The following PDSS2 variants were observed in gnomAD, a reference collection of about 807,000 sequenced individuals.
PDSS2 encodes the protein all trans-polyprenyl-diphosphate synthase PDSS2.
A neutral mutation model predicts 44.5 loss-of-function variants in PDSS2; 31 were observed. The ratio of observed to expected loss-of-function variants is 0.70; its 90% CI spans 0.52 to 0.94. The LOEUF (loss-of-function observed/expected upper bound fraction) is 0.94, where lower values mean the gene tolerates loss of function less well. Among genes scored for constraint, PDSS2 ranks in the 40% least tolerant of loss-of-function variants. The pLI is 0.00. For missense variants in PDSS2, 452 were observed against 482.2 expected, an observed-to-expected ratio of 0.94 and a Z score of 0.59; for synonymous variants, 157 against 180.3, an observed-to-expected ratio of 0.87 and a Z score of 1.03.
At chr6:107,313,097 C>T (rs1777093589) in intron 2 of PDSS2, among the ~76,000 whole-genome samples, 1 of 152,128 alleles carries the variant, frequency 6.6e-6, no homozygotes, top group African/African-American at 2.4e-5. Flanking sequence ...AATCTAGGAG[C>T]TGCCTAATTT....
chr6:107,355,395 T>G (rs1778566250), intron 1 of PDSS2, among the ~76,000 whole-genome samples: 2 of 152,208 alleles, frequency 1.3e-5, no homozygotes. Context: ...TTGAAACATT[T>G]TAAAACTGGC....
chr6:107,438,584 G>C (rs1454740316), intron 1 of PDSS2, among the ~76,000 whole-genome samples: 1 of 152,228 alleles, frequency 6.6e-6, no homozygotes, highest in South Asian at 2.1e-4. Context: ...AGCCACTACA[G>C]TAGAGAGTCA....
intron 1 of PDSS2, among the ~76,000 whole-genome samples, chr6:107,335,082 TG>T (rs951820419): frequency 4.3e-5 from 6 of 138,020 alleles, no homozygotes; most frequent in Non-Finnish European, 7.6e-5. Flanking sequence ...AGCCCAGGGT[TG>T]GGGGGGTGCT....
At chr6:107,399,252 C>T (rs1780037034) in intron 1 of PDSS2, among the ~76,000 whole-genome samples, 1 of 152,182 alleles carries the variant, frequency 6.6e-6, no homozygotes, top group Non-Finnish European at 1.5e-5. Flanking sequence ...AACAAGGTAC[C>T]TACCCTTGGT....
intron 7 of PDSS2, among the ~76,000 whole-genome samples, chr6:107,184,595 A>G (rs1185891853): frequency 1.3e-5 from 2 of 152,200 alleles, no homozygotes; most frequent in African/African-American, 4.8e-5. Flanking sequence ...GCTCTATGCA[A>G]ATGCATTTTA....
intron 7 of PDSS2, among the ~76,000 whole-genome samples, chr6:107,163,818 G>T (rs982602794): frequency 6.6e-6 from 1 of 152,138 alleles, no homozygotes; most frequent in Admixed American, 6.5e-5. Context: ...GGCCAGGCTG[G>T]TCTTGAACTC....
In PDSS2 at chr6:107,403,681, T is replaced by C. The variant is rs925956391; in HGVS notation, c.296+55309A>G. On this transcript the variant is annotated intron_variant, in intron 1 of 7. Transcript: ENST00000369037. ...ATGGAAGCTGCCAAGACTTGCGGCC[T>C]GCACCCTCTGAAGCCACAGCCTGAG... is the stretch of plus-strand genomic sequence containing the variant. 3.3e-5 allele frequency among the ~76,000 whole-genome samples: 5 copies of C among 152,226 alleles called. No individual in the cohort carries two copies. In the South Asian group the frequency reaches 8.3e-4, roughly 25 times the overall value.
At chr6:107,235,321 G>A (rs1774188938) in intron 4 of PDSS2, among the ~76,000 whole-genome samples, 1 of 152,126 alleles carries the variant, frequency 6.6e-6, no homozygotes, top group Non-Finnish European at 1.5e-5. Context: ...CTAAAGTCCA[G>A]GGAAAGAATC....
At chr6:107,312,812 G>A (rs1415296042) in intron 2 of PDSS2, among the ~76,000 whole-genome samples, 1 of 152,086 alleles carries the variant, frequency 6.6e-6, no homozygotes, top group Non-Finnish European at 1.5e-5. Flanking sequence ...ACCTACTAGG[G>A]GCCAAAAGTA....
At chr6:107,260,649 TC>T (rs1775182096) in intron 3 of PDSS2, among the ~76,000 whole-genome samples, 1 of 146,610 alleles carries the variant, frequency 6.8e-6, no homozygotes, top group African/African-American at 2.5e-5. Context: ...AAATCAGTCT[TC>T]CCCCTTCATT....
At chr6:107,177,321 G>A (rs1771829519) in intron 7 of PDSS2, among the ~76,000 whole-genome samples, 1 of 151,974 alleles carries the variant, frequency 6.6e-6, no homozygotes, top group Non-Finnish European at 1.5e-5. Context: ...AGTAGAGACG[G>A]GGTTTTGCCA....
chr6:107,166,330 A>G lies in PDSS2; in HGVS notation c.1042-11553T>C, dbSNP rs183610748. ...CATAAATAGCTCTTATTATTTTGAGATATGTCCCATCAATACCTAATTTAT... is the reference window on the plus strand; with the variant it reads ...CATAAATAGCTCTTATTATTTTGAGGTATGTCCCATCAATACCTAATTTAT... On this transcript the variant is annotated intron_variant, in intron 7 of 7. Transcript: ENST00000369037. Among the ~76,000 whole-genome samples, 202 of 148,236 alleles carry G rather than the reference A, an allele frequency of 1.4e-3. 1 individual carries two copies. The highest frequency in any genetic ancestry group is 2.3e-3 in the Non-Finnish European group (156 of 67,230).
At chr6:107,264,217 A>G (rs1775337790) in intron 3 of PDSS2, 28 of 1,175,190 alleles carry the variant, frequency 2.4e-5, no homozygotes, top group Non-Finnish European at 3.1e-5. Flanking sequence ...AACTATATAG[A>G]TGGTGTAAAG....
At chr6:107,237,930 T>C (rs1036081458) in intron 4 of PDSS2, among the ~76,000 whole-genome samples, 1 of 142,752 alleles carries the variant, frequency 7.0e-6, no homozygotes, top group Non-Finnish European at 1.5e-5. Flanking sequence ...AGAAAATAAA[T>C]GGACAGAAGG....
intron 1 of PDSS2, among the ~76,000 whole-genome samples, chr6:107,356,651 T>C (rs1778605109): frequency 6.6e-6 from 1 of 152,202 alleles, no homozygotes; most frequent in African/African-American, 2.4e-5. Flanking sequence ...TATATGGTTT[T>C]CTCCTTTCAA....
intron 1 of PDSS2, among the ~76,000 whole-genome samples, chr6:107,442,795 C>A (rs917382354): frequency 7.9e-5 from 12 of 152,338 alleles, no homozygotes; most frequent in Middle Eastern, 3.4e-3. Context: ...AACCTCACTT[C>A]ACAAATGTAG....
intron 7 of PDSS2, among the ~76,000 whole-genome samples, chr6:107,168,932 G>C (rs782262938): frequency 3.9e-5 from 6 of 152,140 alleles, no homozygotes; most frequent in Admixed American, 6.5e-5. Context: ...TTTCAACTTT[G>C]GTGAATCTGA....
chr6:107,241,876 C>CA (rs1195216993), intron 4 of PDSS2, among the ~76,000 whole-genome samples: 6 of 152,072 alleles, frequency 3.9e-5, no homozygotes, highest in Admixed American at 2.0e-4. Context: ...TTTTAAATCA[C>CA]AAAAAAATTC....
Position 107,459,184 on chromosome 6 carries a change from C to G in PDSS2, c.102G>C (p.Ser34=), listed in dbSNP as rs1782162275. 9.9e-6 allele frequency: 16 copies of G among 1,613,956 alleles called. No homozygotes were observed. The highest frequency in any genetic ancestry group is 1.4e-5 in the Non-Finnish European group (16 of 1,180,002). Residue 34 remains serine (S), a synonymous_variant, in exon 1 of 8, where the codon TCG becomes TCC. Coordinates refer to ENST00000369037, the MANE Select transcript of PDSS2 (RefSeq NM_020381.4). This position sits in a 1 kb window ranked among gnomAD's most constrained non-coding sequence, Gnocchi z 4.3. ...WWSPSLDTIS[S]VGSWRGRSSK... ...AGGACCGACCACGCCAAGAGCCCAC[C>G]GAGGAGATGGTGTCGAGGGACGGGG...
Sources: gnomAD v4.1 joint callset for allele counts (sites outside exome capture counted in the v4.1 genomes callset) on GRCh38, gnomAD v4.1.1 for gene constraint, Gnocchi (gnomAD v3.1) non-coding constraint, MANE v1.5 for transcripts, NCBI Gene and HGNC (gene_info 2026-07-23, HGNC 2026-07-21) for gene names.